Variants in SPAG16 observed in about 807,000 individuals in gnomAD.
The protein encoded by SPAG16 is sperm associated antigen 16, also known as sperm-associated antigen 16 protein.
Under a neutral mutation model 80.4 loss-of-function variants are expected in SPAG16, and 86 were observed. That is an observed-to-expected ratio of 1.07 (90% confidence interval 0.90 to 1.28). The LOEUF (loss-of-function observed/expected upper bound fraction) is 1.28, where lower values mean the gene tolerates loss of function less well. SPAG16 is among the 50% of genes most tolerant of loss of function. The pLI, the probability that SPAG16 is intolerant of heterozygous loss-of-function variation, is 0.00. For synonymous variants in SPAG16, 294 were observed against 265.9 expected (o/e 1.11, Z -1.03); for missense variants, 870 against 765.3 (o/e 1.14, Z -1.61).
chr2:213,802,099 C>A (rs1428706210), intron 10 of SPAG16, among the ~76,000 whole-genome samples: 1 of 152,084 alleles, frequency 6.6e-6, no homozygotes, highest in Non-Finnish European at 1.5e-5. Context: ...TTTTCTGTTA[C>A]AAGGAAAAGC....
At chr2:214,073,349 T>G (rs2050901277) in intron 13 of SPAG16, among the ~76,000 whole-genome samples, 1 of 151,790 alleles carries the variant, frequency 6.6e-6, no homozygotes, top group African/African-American at 2.4e-5. Flanking sequence ...GCGACTCTCC[T>G]GCCTCAGCCT....
intron 8 of SPAG16, among the ~76,000 whole-genome samples, chr2:213,366,006 G>A (rs543289019): frequency 6.7e-6 from 1 of 149,330 alleles, no homozygotes; most frequent in Admixed American, 6.6e-5. Flanking sequence ...GCTGGGCGTA[G>A]TGGCGGGCGC....
At chr2:214,138,500 T>C (rs1007562169) in intron 14 of SPAG16, among the ~76,000 whole-genome samples, 8 of 152,134 alleles carry the variant, frequency 5.3e-5, no homozygotes, top group Admixed American at 5.2e-4. Context: ...CCAATGTTTT[T>C]ATCTCAAAAT....
intron 10 of SPAG16, among the ~76,000 whole-genome samples, chr2:213,670,422 C>CT (rs1055458393): frequency 2.0e-5 from 3 of 151,786 alleles, no homozygotes; most frequent in African/African-American, 4.8e-5. Context: ...ATATCACAAA[C>CT]TTTTTTTTCT....
At chr2:213,662,892 TGAA>T (rs2063476522) in intron 10 of SPAG16, among the ~76,000 whole-genome samples, 1 of 151,998 alleles carries the variant, frequency 6.6e-6, no homozygotes, top group Non-Finnish European at 1.5e-5. Context: ...TGTTTGTAAA[TGAA>T]GGACAAAAAA....
chr2:213,681,327 A>T (rs977499640), intron 10 of SPAG16, among the ~76,000 whole-genome samples: 3 of 152,196 alleles, frequency 2.0e-5, no homozygotes, highest in Non-Finnish European at 2.9e-5. Flanking sequence ...AATCCATCTA[A>T]TGCGAATTTA....
At chr2:213,958,014 C>T (rs1237517761) in intron 12 of SPAG16, among the ~76,000 whole-genome samples, 1 of 152,086 alleles carries the variant, frequency 6.6e-6, no homozygotes, top group Non-Finnish European at 1.5e-5. Context: ...TAACCAGAAG[C>T]AGTTTTATTA....
At position 214,044,693 on chromosome 2, in the gene SPAG16, C is replaced by T. The variant is rs1416784522; in HGVS notation, c.1527+30616C>T. On this transcript the variant is annotated intron_variant, in intron 13 of 15. Coordinates refer to ENST00000331683, the MANE Select transcript of SPAG16 (RefSeq NM_024532.5). ...CCCTCCTTCATCCCCTGGCAGAGGC[C>T]ACATGGGATGGAGAGAAAATTTTTG... 2.0e-5 allele frequency among the ~76,000 whole-genome samples: 3 copies of T among 152,118 alleles called. No homozygotes were observed. In the East Asian group the frequency reaches 5.8e-4, roughly 29 times the overall value.
At chr2:213,957,308 G>A (rs2044196553) in intron 12 of SPAG16, among the ~76,000 whole-genome samples, 1 of 151,958 alleles carries the variant, frequency 6.6e-6, no homozygotes, top group African/African-American at 2.4e-5. Context: ...TATTCATTGT[G>A]TAAATGTTTA....
chr2:213,443,389 A>T (rs183217962), intron 9 of SPAG16, among the ~76,000 whole-genome samples: 37 of 152,306 alleles, frequency 2.4e-4, no homozygotes, highest in Non-Finnish European at 4.1e-4. Flanking sequence ...CATATAAGTG[A>T]TATCATACTT....
intron 9 of SPAG16, among the ~76,000 whole-genome samples, chr2:213,436,658 GAAATT>G (rs1172713016): frequency 6.6e-6 from 1 of 151,850 alleles, no homozygotes; most frequent in African/African-American, 2.4e-5. Flanking sequence ...TAAATCTTGA[GAAATT>G]AAATTATATG....
intron 10 of SPAG16, among the ~76,000 whole-genome samples, chr2:213,542,630 A>T (rs756527978): frequency 3.9e-5 from 6 of 152,144 alleles, no homozygotes; most frequent in Non-Finnish European, 5.9e-5. Context: ...AACAACAAAT[A>T]CTAAGTATAA....
At chr2:214,092,471 T>C (rs1173623587) in intron 13 of SPAG16, among the ~76,000 whole-genome samples, 1 of 150,976 alleles carries the variant, frequency 6.6e-6, no homozygotes, top group African/African-American at 2.4e-5. Flanking sequence ...GGCCTATTCA[T>C]ATCCTTTGTC....
chr2:214,001,984 T>C (rs74360863), intron 12 of SPAG16, among the ~76,000 whole-genome samples: 1 of 152,142 alleles, frequency 6.6e-6, no homozygotes, highest in Non-Finnish European at 1.5e-5. Context: ...TGTGGCTGAA[T>C]GTGAAAGGCA....
chr2:213,713,495 G>C (rs2066096453), intron 10 of SPAG16, among the ~76,000 whole-genome samples: 1 of 152,166 alleles, frequency 6.6e-6, no homozygotes, highest in South Asian at 2.1e-4. Context: ...GTCTCTAGGG[G>C]AGGATTCTCT....
chr2:214,227,702 A>ATGTGTGTGTGTGTGTG (rs3044944), intron 15 of SPAG16, among the ~76,000 whole-genome samples: 8 of 145,656 alleles, frequency 5.5e-5, no homozygotes, highest in Non-Finnish European at 7.6e-5. Flanking sequence ...TGGAAGGTGT[A>ATGTGTGTGTGTGTGTG]TGTGTGTGTG....
intron 10 of SPAG16, among the ~76,000 whole-genome samples, chr2:213,751,274 C>T (rs1219201935): frequency 6.6e-6 from 1 of 152,106 alleles, no homozygotes; most frequent in African/African-American, 2.4e-5. Flanking sequence ...TAAAATTTCT[C>T]CTCCACGTAT....
At chr2:213,909,660 AACTGGCTAGCCATATGT>A (rs1291749180) in intron 11 of SPAG16, among the ~76,000 whole-genome samples, 1 of 152,190 alleles carries the variant, frequency 6.6e-6, no homozygotes, top group Non-Finnish European at 1.5e-5. Flanking sequence ...GTGCTGGGAA[AACTGGCTAGCCATATGT>A]AGAAAGTTGA....
chr2:213,554,506 C>T (rs2059361995), intron 10 of SPAG16, among the ~76,000 whole-genome samples: 1 of 151,962 alleles, frequency 6.6e-6, no homozygotes, highest in South Asian at 2.1e-4. Flanking sequence ...CCATGATCAC[C>T]CAGTAGCTAA....
Sources: allele counts gnomAD v4.1 joint callset (sites outside exome capture counted in the v4.1 genomes callset), GRCh38; gene constraint gnomAD v4.1.1; transcripts MANE v1.5; gene names NCBI Gene and HGNC (gene_info 2026-07-23, HGNC 2026-07-21).